Variants in LRRC41 observed in about 807,000 individuals in gnomAD.
LRRC41 encodes the protein leucine rich repeat containing 41, also known as leucine-rich repeat-containing protein 41.
In LRRC41, 17 loss-of-function variants were observed where a neutral mutation model predicts 72.1. The observed-to-expected ratio is 0.24, with a 90% CI of 0.16 to 0.35. The LOEUF (loss-of-function observed/expected upper bound fraction) is 0.35. Ranked by LOEUF, LRRC41 falls within the 10% of genes least tolerant of loss-of-function variation. The pLI, the probability that LRRC41 is intolerant of heterozygous loss-of-function variation, is 1.00. For synonymous variants in LRRC41, 427 were observed against 431.0 expected (o/e 0.99, Z 0.11); for missense variants, 759 against 1,065.0 (o/e 0.71, Z 4.00).
Position 46,278,327 on chromosome 1 carries a change from A to T in LRRC41, c.*538T>A. 6.5e-7 allele frequency: 1 copy of T among 1,549,878 alleles called. No homozygotes were observed. Among genetic ancestry groups the T allele is most frequent in the Non-Finnish European group, 8.8e-7 (1 of 1,138,732 alleles). On this transcript the variant is annotated 3_prime_UTR_variant, in exon 10 of 10. Transcript: ENST00000617190. ...TAGCTCTTAGAGGAAGGAGATAGGGAAAAGGGGCTCCTTGCTCCACAGGGC... is the reference window on the plus strand; with the variant it reads ...TAGCTCTTAGAGGAAGGAGATAGGGTAAAGGGGCTCCTTGCTCCACAGGGC...
intron 3 of LRRC41, among the ~76,000 whole-genome samples, chr1:46,292,084 TG>T (rs1364581070): frequency 2.0e-5 from 3 of 151,528 alleles, no homozygotes; most frequent in Non-Finnish European, 4.4e-5. Context: ...GAGGCCAAGG[TG>T]GGTGGATCAC....
Position 46,278,228 on chromosome 1 carries a change from C to T in LRRC41, c.*637G>A, listed in dbSNP as rs1048771. ...CTGCCTGGGATGCTGCCTCCACTGCCATCACCTTCGTCTTCCACCAGCGTT... is the reference window on the plus strand; with the variant it reads ...CTGCCTGGGATGCTGCCTCCACTGCTATCACCTTCGTCTTCCACCAGCGTT... On this transcript the variant is annotated 3_prime_UTR_variant, in exon 10 of 10. Coordinates refer to ENST00000617190, the MANE Select transcript of LRRC41 (RefSeq NM_006369.5). 0.13 allele frequency: 209,902 copies of T among 1,613,356 alleles called. 17,922 individuals are homozygous for T. The highest frequency in any genetic ancestry group is 0.37 in the South Asian group (33,201 of 90,948).
Position 46,296,011 on chromosome 1 carries a change from T to C in LRRC41, c.357+1552A>G, listed in dbSNP as rs72883414. Among the ~76,000 whole-genome samples, 1,255 of 152,312 alleles carry C rather than the reference T, an allele frequency of 8.2e-3. 19 individuals carry two copies. Among genetic ancestry groups the C allele is most frequent in the Middle Eastern group, 0.037 (11 of 294 alleles). On this transcript the variant is annotated intron_variant, in intron 3 of 9. Coordinates refer to ENST00000617190, the MANE Select transcript of LRRC41 (RefSeq NM_006369.5). Reference sequence around the variant, plus strand: ...ACCATAGAAGGCCCAGTTCAAATACTACTTCCTAGGAAAGACTTTCTTATT... The same window carrying C: ...ACCATAGAAGGCCCAGTTCAAATACCACTTCCTAGGAAAGACTTTCTTATT...
rs1660870869 is a variant in LRRC41 at position 46,285,742 on chromosome 1, G to A, written c.1115C>T (p.Ser372Phe). The change falls in exon 4 of 10, where the codon TCC (serine) becomes TTC (phenylalanine). Residue 372 changes from serine (S) to phenylalanine (F), a missense_variant. Ser to Phe is a radical substitution (Grantham distance 155). Coordinates refer to ENST00000617190, the MANE Select transcript of LRRC41 (RefSeq NM_006369.5). The surrounding 1 kb of genome is among the most constrained non-coding windows in gnomAD (Gnocchi z 5.3). ...GCTAGCTGGTGCCCGTTTGTATGAG[G>A]ATGTAGAAGAAGAGGCAGAGGAGGT... ...AATSSASSST[S>F]SYKRAPASSA... 2 of 1,604,254 alleles carry A rather than the reference G, an allele frequency of 1.2e-6. No individual in the cohort carries two copies. The highest frequency in any genetic ancestry group is 2.2e-5 in the East Asian group (1 of 44,736).
In LRRC41 at chr1:46,280,237, A is replaced by C; in HGVS notation, c.1975T>G (p.Cys659Gly). Residue 659 changes from cysteine to glycine, a missense_variant, in exon 7 of 10, where the codon TGT (cysteine) becomes GGT (glycine). By Grantham distance (159) the Cys-to-Gly change is radical (BLOSUM62 -3). Around this residue, in one of 4 missense-constraint regions of LRRC41, gnomAD observed 110 missense variants for 227.0 expected, o/e 0.48. Coordinates refer to ENST00000617190, the MANE Select transcript of LRRC41 (RefSeq NM_006369.5). ...LSFHDMNLAD[C>G]QSEVLFLLQN... ...AGCAAAAAGAGCACCTCGCTCTGAC[A>C]GTCAGCGAGATTCATGTCATGGAAG... 6.2e-7 allele frequency: 1 copy of C among 1,614,180 alleles called. No homozygotes were observed. The highest frequency in any genetic ancestry group is 8.5e-7 in the Non-Finnish European group (1 of 1,180,000).
Position 46,278,664 on chromosome 1 carries a change from C to T in LRRC41, c.*201G>A, listed in dbSNP as rs544675496. The T allele has an allele frequency of 5.1e-5, 32 of 627,074 alleles. No individual in the cohort carries two copies. In the South Asian group the frequency reaches 6.1e-4, roughly 12 times the overall value. 38.8% of individuals were successfully genotyped at this position (627,074 alleles called of 1,614,324 possible). On this transcript the variant is annotated 3_prime_UTR_variant, in exon 10 of 10. Transcript: ENST00000617190. ...GGATACTGAGTAAGGGGCCCAAAGACTATAAACCCAGCTGTGAGAATGCCT... is the reference window on the plus strand; with the variant it reads ...GGATACTGAGTAAGGGGCCCAAAGATTATAAACCCAGCTGTGAGAATGCCT...
At chr1:46,281,642 A>G (rs1272361967) in intron 4 of LRRC41, among the ~76,000 whole-genome samples, 1 of 152,202 alleles carries the variant, frequency 6.6e-6, no homozygotes, top group Non-Finnish European at 1.5e-5. Context: ...AGAAGATACA[A>G]TATGGTGAGG....
In LRRC41 at chr1:46,280,342, CAG is replaced by C. The variant is rs147896604; in HGVS notation, c.1921+52_1921+53del. 2.3e-4 allele frequency: 372 copies of C among 1,612,394 alleles called. 6 individuals carry two copies. The African/African-American group carries it at 4.3e-3, about 19-fold the overall frequency. The stretch of plus-strand genomic sequence containing the variant: ...CATGGACCTTAGCTTTCCTAGAGAA[CAG>C]TGCTAGGTCCCCACCTACTCCTCTC... On this transcript the variant is annotated intron_variant, in intron 6 of 9. Transcript: ENST00000617190.
chr1:46,277,719 G>A lies in LRRC41; in HGVS notation c.*1146C>T, dbSNP rs1456324284. On this transcript the variant is annotated 3_prime_UTR_variant, in exon 10 of 10. Transcript: ENST00000617190. The stretch of plus-strand genomic sequence containing the variant: ...TACTTTTTATTCATCTCCTCTTCTC[G>A]GGTAGCTGTAGTTTCAACCCTTTGG... 6 of 1,352,724 alleles carry A rather than the reference G, an allele frequency of 4.4e-6. No individual in the cohort carries two copies. Among genetic ancestry groups the A allele is most frequent in the African/African-American group, 4.3e-5 (3 of 69,530 alleles). The allele number at this position is 1,352,724 out of a possible 1,614,324, so 83.8% of individuals were successfully genotyped here.
Position 46,278,603 on chromosome 1 carries a change from T to A in LRRC41, c.*262A>T, listed in dbSNP as rs756641233. 1.2e-4 allele frequency: 70 copies of A among 606,164 alleles called. No homozygotes were observed. The highest frequency in any genetic ancestry group is 1.7e-4 in the Non-Finnish European group (57 of 344,814). 37.5% of individuals were successfully genotyped at this position (606,164 alleles called of 1,614,324 possible). A position where few individuals can be genotyped will look rare whatever the true frequency, so the allele number is the denominator to read the frequency against. ...GGGGAGGGGATCTCTTCAGCAATTA[T>A]GATGACCACTGTAACCTCCTGGCCC... On this transcript the variant is annotated 3_prime_UTR_variant, in exon 10 of 10. Coordinates refer to ENST00000617190, the MANE Select transcript of LRRC41 (RefSeq NM_006369.5).
rs750740442 is a variant in LRRC41, at chr1:46,281,219, A to G, written c.1662T>C (p.Ser554=). ...VRALPLLRVL[S]IRVDHPSQRD... is the part of the protein sequence containing the mutation. ...GCTGGCTTGGGTGGTCAACACGAAT[A>G]GAGAGGACCCGTAGCAGGGGCAGTG... The change falls in exon 5 of 10, where the codon TCT becomes TCC. Residue 554 remains serine (S), a synonymous_variant. Transcript: ENST00000617190. The G allele has an allele frequency of 1.6e-5, 26 of 1,614,082 alleles. No homozygotes were observed. The highest frequency in any genetic ancestry group is 1.6e-4 in the Middle Eastern group (1 of 6,082).
chr1:46,280,833 A>C (rs890396865), intron 5 of LRRC41, among the ~76,000 whole-genome samples: 5 of 152,196 alleles, frequency 3.3e-5, no homozygotes, highest in Admixed American at 6.5e-5. Flanking sequence ...TAGGAGACAT[A>C]CAAGAACTAA....
rs759233938 is a variant in LRRC41, at chr1:46,285,511, C to T, written c.1346G>A (p.Gly449Glu). ...TTGTGAAGCTTCCAGTGCTGGAAGC[C>T]CCAGGCAGCTGGGATCTGATCCATC... ...ALDGSDPSCL[G>E]LPALEASQRF... The change falls in exon 4 of 10, where the codon GGG (glycine) becomes GAG (glutamate). Residue 449 changes from glycine (G) to glutamate (E), a missense_variant. This residue lies in a region of LRRC41 where 427 missense variants were observed against 520.9 expected (regional missense o/e 0.82). Transcript: ENST00000617190. The surrounding 1 kb of genome is among the most constrained non-coding windows in gnomAD (Gnocchi z 5.3). 6.2e-7 allele frequency: 1 copy of T among 1,614,074 alleles called. No homozygotes were observed. Among genetic ancestry groups the T allele is most frequent in the Admixed American group, 1.7e-5 (1 of 60,024 alleles).
chr1:46,280,152 A>G (rs373480133), intron 7 of LRRC41, 40 bp downstream of exon 7: 66 of 1,472,090 alleles, frequency 4.5e-5, no homozygotes, highest in Non-Finnish European at 6.1e-5. Context: ...AACCATAGTG[A>G]AGACCCAGGA....
chr1:46,283,801 G>C (rs1462556289), intron 4 of LRRC41, among the ~76,000 whole-genome samples: 1 of 151,946 alleles, frequency 6.6e-6, no homozygotes, highest in Non-Finnish European at 1.5e-5. Flanking sequence ...GAGTAGCTGG[G>C]ATTACAGGCG....
chr1:46,280,709 G>A, intron 5 of LRRC41, 149 bp from the exon 6 acceptor site: 1 of 794,496 alleles, frequency 1.3e-6, no homozygotes, highest in Non-Finnish European at 2.0e-6. Context: ...CACTGTGCTA[G>A]ATTCTAGGAA....
In LRRC41 at chr1:46,277,577, G is replaced by GGGACCCTCTC; in HGVS notation, c.*1287_*1288insGAGAGGGTCC. ...CCCTGACGGGATTTAGCCAGGCCCTGGGACCCTTCATTAGTATAGAAAGTA... is the reference window on the plus strand; with the variant it reads ...CCCTGACGGGATTTAGCCAGGCCCTGGGACCCTCTCGGACCCTTCATTAGTATAGAAAGTA... On this transcript the variant is annotated 3_prime_UTR_variant, in exon 10 of 10. Coordinates refer to ENST00000617190, the MANE Select transcript of LRRC41 (RefSeq NM_006369.5). The GGGACCCTCTC allele has an allele frequency of 1.8e-6, 1 of 560,260 alleles. No individual in the cohort carries two copies. The highest frequency in any genetic ancestry group is 3.2e-6 in the Non-Finnish European group (1 of 314,432). 34.7% of individuals were successfully genotyped at this position (560,260 alleles called of 1,614,324 possible).
At position 46,302,359 on chromosome 1, in the gene LRRC41, C is replaced by A; in HGVS notation, c.199+765G>T. On this transcript the variant is annotated intron_variant, in intron 1 of 9. Coordinates refer to ENST00000617190, the MANE Select transcript of LRRC41 (RefSeq NM_006369.5). This position sits in a 1 kb window ranked among gnomAD's most constrained non-coding sequence, Gnocchi z 4.7. The stretch of plus-strand genomic sequence containing the variant: ...AAGCCGCTCCGGGCCCCCCTCCACT[C>A]GCTCTCCGGTCCCTCCTCGCCGCTC... The A allele has an allele frequency of 2.0e-6, 2 of 985,432 alleles. No homozygotes were observed. Among genetic ancestry groups the A allele is most frequent in the Non-Finnish European group, 2.4e-6 (2 of 829,924 alleles). 61.0% of individuals were successfully genotyped at this position (985,432 alleles called of 1,614,324 possible).
Position 46,302,668 on chromosome 1 carries a change from A to T in LRRC41, c.199+456T>A. ...TGCTGGAGCCCCGGGGCCATCAGTC[A>T]GGTTCGGTGGCCCCGGGCCTGGCCT... is the stretch of plus-strand genomic sequence containing the variant. On this transcript the variant is annotated intron_variant, in intron 1 of 9. Transcript: ENST00000617190. The surrounding 1 kb of genome is among the most constrained non-coding windows in gnomAD (Gnocchi z 4.7). 1.0e-6 allele frequency: 1 copy of T among 985,088 alleles called. No homozygotes were observed. Among genetic ancestry groups the T allele is most frequent in the Non-Finnish European group, 1.2e-6 (1 of 829,820 alleles). 61.0% of individuals were successfully genotyped at this position (985,088 alleles called of 1,614,324 possible).
Sources: allele counts gnomAD v4.1 joint callset (sites outside exome capture counted in the v4.1 genomes callset), GRCh38; gene constraint gnomAD v4.1.1; regional missense constraint gnomAD v4.1.1; non-coding constraint Gnocchi (gnomAD v3.1); transcripts MANE v1.5; gene names NCBI Gene and HGNC (gene_info 2026-07-23, HGNC 2026-07-21).